The following M1AP variants were observed in gnomAD, a reference collection of about 807,000 sequenced individuals.
M1AP encodes meiosis 1 arrest protein.
Under a neutral mutation model 51.2 loss-of-function variants are expected in M1AP, and 39 were observed. That is an observed-to-expected ratio of 0.76 (90% CI 0.59 to 1.00). The LOEUF is 1.00. M1AP is among the 50% of genes least tolerant of loss of function. The pLI, the probability that M1AP is intolerant of heterozygous loss-of-function variation, is 0.00. For synonymous variants in M1AP, 251 were observed against 249.2 expected, an observed-to-expected ratio of 1.01 and a Z score of -0.07; for missense variants, 545 against 641.2, an observed-to-expected ratio of 0.85 and a Z score of 1.62.
intron 2 of M1AP, chr2:74,618,820 C>T: frequency 2.7e-6 from 1 of 369,086 alleles, no homozygotes; most frequent in Non-Finnish European, 5.4e-6. Flanking sequence ...TGCTGAGCCT[C>T]CCAAATCCCT....
At chr2:74,574,003 C>G (rs1445238131) in intron 7 of M1AP, among the ~76,000 whole-genome samples, 1 of 152,162 alleles carries the variant, frequency 6.6e-6, no homozygotes, top group Non-Finnish European at 1.5e-5. Flanking sequence ...GTTACAACGG[C>G]TCCGTTGTCT....
intron 2 of M1AP, among the ~76,000 whole-genome samples, chr2:74,630,184 T>G (rs1048848143): frequency 1.3e-5 from 2 of 152,120 alleles, no homozygotes; most frequent in Non-Finnish European, 2.9e-5. Context: ...TGATCCTCCT[T>G]CCTTGGTCTC....
At chr2:74,635,582 T>TTC (rs1185332224) in intron 2 of M1AP, among the ~76,000 whole-genome samples, 1 of 152,098 alleles carries the variant, frequency 6.6e-6, no homozygotes, top group Non-Finnish European at 1.5e-5. Context: ...GATTTGACTT[T>TTC]TCTCTTTTCT....
chr2:74,618,897 C>T (rs544589823), intron 2 of M1AP: 1 of 526,192 alleles, frequency 1.9e-6, no homozygotes, highest in South Asian at 1.4e-5. Context: ...CAGCTCTTGA[C>T]TGAGTAGATT....
intron 10 of M1AP, among the ~76,000 whole-genome samples, chr2:74,559,269 C>T (rs754609165): frequency 3.3e-5 from 5 of 152,118 alleles, no homozygotes; most frequent in African/African-American, 2.4e-5. Context: ...AGCAATCCCC[C>T]GACCTTAGCC....
At chr2:74,645,606 G>A (rs1305237806) in intron 1 of M1AP, among the ~76,000 whole-genome samples, 5 of 152,120 alleles carry the variant, frequency 3.3e-5, no homozygotes, top group African/African-American at 7.2e-5. Context: ...CTATAGCAAC[G>A]ACTCTATGAC....
chr2:74,575,059 A>G (rs1678975021), intron 7 of M1AP, among the ~76,000 whole-genome samples: 1 of 152,218 alleles, frequency 6.6e-6, no homozygotes, highest in South Asian at 2.1e-4. Context: ...ATATATATCT[A>G]GGGCTTGACA....
chr2:74,575,669 G>A (rs975802195), intron 6 of M1AP, 90 bp from the exon 7 acceptor site: 2 of 1,006,422 alleles, frequency 2.0e-6, no homozygotes, highest in Non-Finnish European at 3.0e-6. Flanking sequence ...CTCTAAGACA[G>A]TACTGTGAAA....
Position 74,607,082 on chromosome 2 carries a change from ACG to A in M1AP, c.566_567del (p.Ala189ValfsTer4). The A allele has an allele frequency of 6.2e-7, 1 of 1,614,018 alleles. No homozygotes were observed. Among genetic ancestry groups the A allele is most frequent in the Non-Finnish European group, 8.5e-7 (1 of 1,179,968 alleles). On this transcript the variant is annotated frameshift_variant, in exon 4 of 11. Transcript: ENST00000421985. LOFTEE classifies it high-confidence loss of function. ...TKGILEHVDS[A>X]SPVEDTSNDE... ...TCATTGCTGGTATCCTCAACAGGAG[ACG>A]CTGAGTCCACGTGCTCTAGGATTCC...
Position 74,558,608 on chromosome 2 carries a change from T to C in M1AP, c.*108A>G. 7.4e-7 allele frequency: 1 copy of C among 1,342,962 alleles called. No homozygotes were observed. Among genetic ancestry groups the C allele is most frequent in the Non-Finnish European group, 1.0e-6 (1 of 969,752 alleles). 83.2% of individuals were successfully genotyped at this position (1,342,962 alleles called of 1,614,324 possible). On this transcript the variant is annotated 3_prime_UTR_variant, in exon 11 of 11. Coordinates refer to ENST00000421985, the MANE Select transcript of M1AP (RefSeq NM_001321739.2). ...CTGTTGTTTCCCAGTCAGCCCTCAC[T>C]CACAGAGGCTCAGGCGGATAGAGAG... is the stretch of plus-strand genomic sequence containing the variant.
chr2:74,631,778 A>G (rs926773174), intron 2 of M1AP, among the ~76,000 whole-genome samples: 4 of 152,184 alleles, frequency 2.6e-5, no homozygotes, highest in Non-Finnish European at 4.4e-5. Context: ...AGGAATTTTA[A>G]TATTAATTAT....
intron 4 of M1AP, among the ~76,000 whole-genome samples, chr2:74,588,265 G>A (rs1027201893): frequency 6.6e-6 from 1 of 152,164 alleles, no homozygotes; most frequent in Non-Finnish European, 1.5e-5. Context: ...TTTTGGTGGG[G>A]TGGGGGAAGG....
rs188549322 is a variant in M1AP, at chr2:74,626,801, A to G, written c.241-11652T>C. Reference sequence around the variant, plus strand: ...TTTTTCCCAACTCATTTTAAATGCTATCTTTATTACACAATAAGTTCCCAC... The same window carrying G: ...TTTTTCCCAACTCATTTTAAATGCTGTCTTTATTACACAATAAGTTCCCAC... On this transcript the variant is annotated intron_variant, in intron 2 of 10. Transcript: ENST00000421985. Among the ~76,000 whole-genome samples, 121 of 152,320 alleles carry G rather than the reference A, an allele frequency of 7.9e-4. No homozygotes were observed. In the Middle Eastern group the frequency reaches 0.01, roughly 13 times the overall value.
intron 2 of M1AP, among the ~76,000 whole-genome samples, chr2:74,623,588 C>T (rs1192137223): frequency 6.6e-6 from 1 of 151,980 alleles, no homozygotes; most frequent in Non-Finnish European, 1.5e-5. Context: ...GGGCTCCACG[C>T]ACTGATATAT....
At chr2:74,634,611 G>A (rs567653498) in intron 2 of M1AP, among the ~76,000 whole-genome samples, 2 of 152,236 alleles carry the variant, frequency 1.3e-5, no homozygotes, top group Non-Finnish European at 1.5e-5. Context: ...GGAGTACTAA[G>A]AGCAGACATC....
intron 7 of M1AP, among the ~76,000 whole-genome samples, chr2:74,565,751 C>T (rs970384131): frequency 2.0e-5 from 3 of 151,596 alleles, no homozygotes; most frequent in African/African-American, 7.3e-5. Flanking sequence ...ATCACTTGAA[C>T]CCAGGAGGCG....
At chr2:74,630,536 T>C (rs760547301) in intron 2 of M1AP, among the ~76,000 whole-genome samples, 43 of 152,268 alleles carry the variant, frequency 2.8e-4, no homozygotes, top group African/African-American at 9.1e-4. Context: ...ACTGTGTCCA[T>C]GTGTTCTCAT....
intron 2 of M1AP, among the ~76,000 whole-genome samples, chr2:74,635,437 C>A (rs985161851): frequency 8.6e-5 from 13 of 151,990 alleles, no homozygotes; most frequent in Non-Finnish European, 4.4e-5. Context: ...GAATCAACTT[C>A]TTTTCATTGA....
chr2:74,558,746 T>C lies in M1AP; in HGVS notation c.1563A>G (p.Ser521=). 3 of 1,612,844 alleles carry C rather than the reference T, an allele frequency of 1.9e-6. No individual in the cohort carries two copies. The highest frequency in any genetic ancestry group is 2.5e-6 in the Non-Finnish European group (3 of 1,179,532). The change falls in exon 11 of 11, where the codon TCA becomes TCG. Residue 521 remains serine (S), a synonymous_variant. Transcript: ENST00000421985. ...GCCTTGAGGGATCCTTCTCCCACTCTGAAGGCAGGAAGAAGGCATCTGAGG... is the reference window on the plus strand; with the variant it reads ...GCCTTGAGGGATCCTTCTCCCACTCCGAAGGCAGGAAGAAGGCATCTGAGG... ...KSSSDAFFLP[S]EWEKDPSRP
Sources: gnomAD v4.1 joint callset for allele counts (sites outside exome capture counted in the v4.1 genomes callset) on GRCh38, gnomAD v4.1.1 for gene constraint, MANE v1.5 for transcripts, NCBI Gene and HGNC (gene_info 2026-07-23, HGNC 2026-07-21) for gene names.